The following GOLPH3L variants were observed in gnomAD, a reference collection of about 807,000 sequenced individuals.
GOLPH3L encodes Golgi phosphoprotein 3-like.
In GOLPH3L, 22 loss-of-function variants were observed where a neutral mutation model predicts 30.3. The observed-to-expected ratio is 0.73, with a 90% CI of 0.52 to 1.04. The LOEUF (loss-of-function observed/expected upper bound fraction) is 1.04. GOLPH3L is among the 50% of genes least tolerant of loss of function. The probability of loss-of-function intolerance (pLI) is 0.00; values close to 1 mark genes in which losing one functional copy is unlikely to be tolerated. For synonymous variants in GOLPH3L, 120 were observed against 128.2 expected, an observed-to-expected ratio of 0.94 and a Z score of 0.43; for missense variants, 303 against 345.8, an observed-to-expected ratio of 0.88 and a Z score of 0.98.
intron 2 of GOLPH3L, among the ~76,000 whole-genome samples, chr1:150,691,389 GC>G (rs759735383): frequency 5.3e-5 from 8 of 152,030 alleles, no homozygotes; most frequent in Non-Finnish European, 1.0e-4. Context: ...GGTGGCGGGT[GC>G]CTGTAATCCC....
intron 2 of GOLPH3L, among the ~76,000 whole-genome samples, chr1:150,685,695 A>G (rs1003410173): frequency 2.0e-5 from 3 of 152,046 alleles, no homozygotes; most frequent in African/African-American, 7.2e-5. Context: ...AGCCTGGGCA[A>G]CAGAATGAGA....
In GOLPH3L at chr1:150,648,447, A is replaced by G. The variant is rs1293332433; in HGVS notation, c.732T>C (p.Asp244=). 1.2e-6 allele frequency: 2 copies of G among 1,613,698 alleles called. No individual in the cohort carries two copies. The highest frequency in any genetic ancestry group is 1.1e-5 in the South Asian group (1 of 91,062). Residue 244 remains aspartate, a synonymous_variant, in exon 5 of 5, where the codon GAT becomes GAC. Coordinates refer to ENST00000271732, the MANE Select transcript of GOLPH3L (RefSeq NM_018178.6). Reference sequence around the variant, plus strand: ...GATTCATTGCCACATCATACTTGTCATCTGTCAGAGAGGAGAAGACATTCT... The same window carrying G: ...GATTCATTGCCACATCATACTTGTCGTCTGTCAGAGAGGAGAAGACATTCT... ...VLENVFSSLT[D]DKYDVAMNRA... is the part of the protein sequence containing the mutation.
In GOLPH3L at chr1:150,648,768, G is replaced by A. The variant is rs1474564539; in HGVS notation, c.431-20C>T. ...TCTCACCTATGAGAAAAAAGAAATA[G>A]GACATAATGAACTGAAAGAGAAAAG... is the stretch of plus-strand genomic sequence containing the variant. On this transcript the variant is annotated intron_variant, in intron 4 of 4. Coordinates refer to ENST00000271732, the MANE Select transcript of GOLPH3L (RefSeq NM_018178.6). 3 of 1,505,286 alleles carry A rather than the reference G, an allele frequency of 2.0e-6. No individual in the cohort carries two copies. The African/African-American group carries it at 4.2e-5, about 21-fold the overall frequency. 93.2% of individuals were successfully genotyped at this position (1,505,286 alleles called of 1,614,324 possible).
intron 4 of GOLPH3L, among the ~76,000 whole-genome samples, chr1:150,654,247 C>T (rs587711943): frequency 1.3e-5 from 2 of 151,620 alleles, no homozygotes; most frequent in East Asian, 3.9e-4. Context: ...TGGCTCATTC[C>T]TGTAATCCCA....
chr1:150,680,977 T>G (rs983496931), intron 2 of GOLPH3L, among the ~76,000 whole-genome samples: 1 of 151,900 alleles, frequency 6.6e-6, no homozygotes, highest in Non-Finnish European at 1.5e-5. Flanking sequence ...CTGTCTCTAC[T>G]GAAAATACAA....
chr1:150,671,769 G>A (rs1007382689), intron 2 of GOLPH3L, among the ~76,000 whole-genome samples: 10 of 125,830 alleles, frequency 7.9e-5, no homozygotes, highest in Non-Finnish European at 1.2e-4. Context: ...TCGCACCACT[G>A]CACTCCAACC....
At chr1:150,673,986 C>A (rs964974066) in intron 2 of GOLPH3L, among the ~76,000 whole-genome samples, 43 of 151,686 alleles carry the variant, frequency 2.8e-4, no homozygotes, top group Non-Finnish European at 1.2e-4. Context: ...TCTATCTCCC[C>A]ACAACTCACG....
intron 2 of GOLPH3L, among the ~76,000 whole-genome samples, chr1:150,676,389 G>T (rs1256414761): frequency 1.3e-5 from 2 of 151,580 alleles, no homozygotes; most frequent in African/African-American, 4.9e-5. Context: ...CCCAAACCCA[G>T]ATTATTTCTG....
intron 2 of GOLPH3L, among the ~76,000 whole-genome samples, chr1:150,688,210 C>T (rs587597026): frequency 1.3e-5 from 2 of 152,160 alleles, no homozygotes; most frequent in East Asian, 1.9e-4. Flanking sequence ...GTGCTTTATA[C>T]AATTTTCTGG....
Position 150,647,233 on chromosome 1 carries a change from A to G in GOLPH3L, c.*1088T>C, listed in dbSNP as rs991587909. ...TCTGGAGGGGTGGGTGCAGTGGCTCAAGCCAGTAATCTCAGCACTTTGGGA... is the reference window on the plus strand; with the variant it reads ...TCTGGAGGGGTGGGTGCAGTGGCTCGAGCCAGTAATCTCAGCACTTTGGGA... On this transcript the variant is annotated 3_prime_UTR_variant, in exon 5 of 5. Transcript: ENST00000271732. The G allele has an allele frequency of 6.6e-6, 1 of 152,246 alleles. No individual in the cohort carries two copies. Among genetic ancestry groups the G allele is most frequent in the African/African-American group, 2.4e-5 (1 of 41,458 alleles). 9.4% of individuals were successfully genotyped at this position (152,246 alleles called of 1,614,324 possible). A position where few individuals can be genotyped will look rare whatever the true frequency, so the allele number is the denominator to read the frequency against.
chr1:150,683,531 CAAAAA>C (rs35646727), intron 2 of GOLPH3L, among the ~76,000 whole-genome samples: 1 of 55,598 alleles, frequency 1.8e-5, no homozygotes, highest in Non-Finnish European at 3.3e-5. Flanking sequence ...GACTCTGTCT[CAAAAA>C]AAAAAAAAAA....
At position 150,670,881 on chromosome 1, in the gene GOLPH3L, ATAATTT is replaced by A. The variant is rs1241828887; in HGVS notation, c.184-7124_184-7119del. Among the ~76,000 whole-genome samples the A allele has an allele frequency of 3.3e-5, 5 of 152,168 alleles. No individual in the cohort carries two copies. The East Asian group carries it at 7.7e-4, about 23-fold the overall frequency. On this transcript the variant is annotated intron_variant, in intron 2 of 4. Transcript: ENST00000271732. ...CATAGTATTGCATTTTACATGCATT[ATAATTT>A]TATCTATCCAAGCCCCTTACTGATG...
At chr1:150,691,983 G>C (rs1651226050) in intron 2 of GOLPH3L, among the ~76,000 whole-genome samples, 1 of 151,102 alleles carries the variant, frequency 6.6e-6, no homozygotes, top group Non-Finnish European at 1.5e-5. Context: ...TAAAAAGTAT[G>C]TATCTTTTTG....
intron 2 of GOLPH3L, among the ~76,000 whole-genome samples, chr1:150,688,384 AAC>A (rs1396726383): frequency 2.0e-5 from 3 of 151,778 alleles, no homozygotes; most frequent in Non-Finnish European, 4.4e-5. Flanking sequence ...AATTATTAGG[AAC>A]ATCCAGTTGA....
Position 150,647,423 on chromosome 1 carries a change from G to C in GOLPH3L, c.*898C>G, listed in dbSNP as rs1355944024. On this transcript the variant is annotated 3_prime_UTR_variant, in exon 5 of 5. Transcript: ENST00000271732. ...GCAGGAGGATCCTTGAGCCCTGGAG[G>C]TCAAGGCTGCAGTCAGCTGTGATTG... The C allele has an allele frequency of 6.6e-6, 1 of 152,566 alleles. No homozygotes were observed. 9.5% of individuals were successfully genotyped at this position (152,566 alleles called of 1,614,324 possible).
chr1:150,691,747 T>A (rs1485676197), intron 2 of GOLPH3L, among the ~76,000 whole-genome samples: 1 of 152,220 alleles, frequency 6.6e-6, no homozygotes, highest in Non-Finnish European at 1.5e-5. Context: ...TACAATAGTT[T>A]TTTGAGTTTC....
intron 4 of GOLPH3L, among the ~76,000 whole-genome samples, chr1:150,655,955 G>A (rs1253749190): frequency 6.6e-6 from 1 of 152,182 alleles, no homozygotes; most frequent in Non-Finnish European, 1.5e-5. Context: ...TGAATGGTTT[G>A]CATTTACAAT....
At chr1:150,655,831 T>C (rs945363075) in intron 4 of GOLPH3L, among the ~76,000 whole-genome samples, 11 of 152,232 alleles carry the variant, frequency 7.2e-5, no homozygotes, top group Non-Finnish European at 2.9e-5. Context: ...ATACAACCTA[T>C]GGGAGCATTA....
rs1198117598 is a variant in GOLPH3L at position 150,648,438 on chromosome 1, A to G, written c.741T>C (p.Tyr247=). ...NVFSSLTDDK[Y]DVAMNRAKDL... ...CCTTGGCTCGATTCATTGCCACATC[A>G]TACTTGTCATCTGTCAGAGAGGAGA... The change falls in exon 5 of 5, where the codon TAT becomes TAC. Residue 247 remains tyrosine, a synonymous_variant. Transcript: ENST00000271732. 2 of 1,613,684 alleles carry G rather than the reference A, an allele frequency of 1.2e-6. No individual in the cohort carries two copies. Among genetic ancestry groups the G allele is most frequent in the African/African-American group, 2.7e-5 (2 of 74,904 alleles).
Sources: allele counts gnomAD v4.1 joint callset (sites outside exome capture counted in the v4.1 genomes callset), GRCh38; gene constraint gnomAD v4.1.1; transcripts MANE v1.5; gene names NCBI Gene and HGNC (gene_info 2026-07-23, HGNC 2026-07-21).